The following KIRREL3 variants were observed in gnomAD, a reference collection of about 807,000 sequenced individuals.
KIRREL3 encodes the protein kirre like nephrin family adhesion molecule 3.
Under a neutral mutation model 89.7 loss-of-function variants are expected in KIRREL3, and 36 were observed. The ratio of observed to expected loss-of-function variants is 0.40; its 90% CI spans 0.31 to 0.53. The LOEUF (loss-of-function observed/expected upper bound fraction) is 0.53. KIRREL3 is among the 20% of genes least tolerant of loss of function. KIRREL3 has a pLI of 0.49. For synonymous variants in KIRREL3, 445 were observed against 441.4 expected, an observed-to-expected ratio of 1.01 and a Z score of -0.10; for missense variants, 864 against 1,056.6, an observed-to-expected ratio of 0.82 and a Z score of 2.53.
Position 126,668,428 on chromosome 11 carries a change from T to C in KIRREL3, c.56-105516A>G, listed in dbSNP as rs1375504699. Among the ~76,000 whole-genome samples, 1 of 152,160 alleles carries C rather than the reference T, an allele frequency of 6.6e-6. No homozygotes were observed. Among genetic ancestry groups the C allele is most frequent in the Non-Finnish European group, 1.5e-5 (1 of 68,032 alleles). Reference sequence around the variant, plus strand: ...TATAACCATTCAGAATAAAACACCCTGGCTATAGAAGAGAGGTGGCTTTTC... The same window carrying C: ...TATAACCATTCAGAATAAAACACCCCGGCTATAGAAGAGAGGTGGCTTTTC... On this transcript the variant is annotated intron_variant, in intron 1 of 16. Coordinates refer to ENST00000525144, the MANE Select transcript of KIRREL3 (RefSeq NM_032531.4). The surrounding 1 kb of genome is among the most constrained non-coding windows in gnomAD (Gnocchi z 4.4).
Position 126,594,359 on chromosome 11 carries a change from A to G in KIRREL3, c.56-31447T>C, listed in dbSNP as rs1427735162. ...TACCTGGATGAATTCCATCTCCCTCACTGGACCAGAAGCTCCTCGAGGAAA... is the reference window on the plus strand; with the variant it reads ...TACCTGGATGAATTCCATCTCCCTCGCTGGACCAGAAGCTCCTCGAGGAAA... On this transcript the variant is annotated intron_variant, in intron 1 of 16. Coordinates refer to ENST00000525144, the MANE Select transcript of KIRREL3 (RefSeq NM_032531.4). This position sits in a 1 kb window ranked among gnomAD's most constrained non-coding sequence, Gnocchi z 5.0. Among the ~76,000 whole-genome samples the G allele has an allele frequency of 6.6e-6, 1 of 152,060 alleles. No individual in the cohort carries two copies. Among genetic ancestry groups the G allele is most frequent in the Non-Finnish European group, 1.5e-5 (1 of 68,002 alleles).
chr11:126,976,534 T>C lies in KIRREL3; in HGVS notation c.55+23921A>G, dbSNP rs585079. ...AGACTCTCCTATTTTGCAGTATTTC[T>C]TGACTATTATTCACCCAGAATGGTA... On this transcript the variant is annotated intron_variant, in intron 1 of 16. Coordinates refer to ENST00000525144, the MANE Select transcript of KIRREL3 (RefSeq NM_032531.4). The surrounding 1 kb of genome is among the most constrained non-coding windows in gnomAD (Gnocchi z 4.2). Among the ~76,000 whole-genome samples the C allele has an allele frequency of 0.12, 18,858 of 152,234 alleles. 1,364 individuals carry two copies. Among genetic ancestry groups the C allele is most frequent in the Middle Eastern group, 0.21 (61 of 294 alleles).
At chr11:126,799,283 CATGT>C (rs1336276337) in intron 1 of KIRREL3, among the ~76,000 whole-genome samples, 1 of 97,050 alleles carries the variant, frequency 1.0e-5, no homozygotes, top group Non-Finnish European at 2.0e-5. Flanking sequence ...CCTGTGTGTG[CATGT>C]GTGTATCTGT....
rs186641646 is a variant in KIRREL3, at chr11:126,926,786, C to T, written c.55+73669G>A. Among the ~76,000 whole-genome samples, 1,003 of 151,672 alleles carry T rather than the reference C, an allele frequency of 6.6e-3. 7 individuals are homozygous for T. Among genetic ancestry groups the T allele is most frequent in the African/African-American group, 0.023 (937 of 41,410 alleles). On this transcript the variant is annotated intron_variant, in intron 1 of 16. Coordinates refer to ENST00000525144, the MANE Select transcript of KIRREL3 (RefSeq NM_032531.4). The stretch of plus-strand genomic sequence containing the variant: ...TGGCTTCTGAATACTAAAGAGGGCG[C>T]GGAAAAAATGAAAGCAAAGGAGAAA...
rs565009888 is a variant in KIRREL3, at chr11:126,543,393, C to T, written c.134-16706G>A. ...CAGGTGTAGCCCTGGCTCATATCCA[C>T]CATCCTGAGAAATAGAAAATCTTTC... On this transcript the variant is annotated intron_variant, in intron 2 of 16. Transcript: ENST00000525144. Among the ~76,000 whole-genome samples the T allele has an allele frequency of 5.9e-5, 9 of 152,216 alleles. No homozygotes were observed. The South Asian group carries it at 1.9e-3, about 32-fold the overall frequency.
chr11:126,676,051 T>A lies in KIRREL3; in HGVS notation c.56-113139A>T, dbSNP rs997307962. On this transcript the variant is annotated intron_variant, in intron 1 of 16. Coordinates refer to ENST00000525144, the MANE Select transcript of KIRREL3 (RefSeq NM_032531.4). The surrounding 1 kb of genome is among the most constrained non-coding windows in gnomAD (Gnocchi z 4.5). Reference sequence around the variant, plus strand: ...TAAGAAATCCAGTAGGAGGGAGAAGTTTGAGAAAGGAAGAGGATGCCAGGT... The same window carrying A: ...TAAGAAATCCAGTAGGAGGGAGAAGATTGAGAAAGGAAGAGGATGCCAGGT... Among the ~76,000 whole-genome samples the A allele has an allele frequency of 6.6e-6, 1 of 151,950 alleles. No individual in the cohort carries two copies.
chr11:126,899,146 C>A (rs948698057), intron 1 of KIRREL3, among the ~76,000 whole-genome samples: 2 of 151,918 alleles, frequency 1.3e-5, no homozygotes, highest in South Asian at 4.2e-4. Context: ...AGATGCACTA[C>A]GATCTTGTAA....
intron 1 of KIRREL3, among the ~76,000 whole-genome samples, chr11:126,701,078 G>T (rs963423776): frequency 1.3e-5 from 2 of 152,196 alleles, no homozygotes; most frequent in African/African-American, 4.8e-5. Context: ...ACACTGCATT[G>T]TCATGAAAGG....
chr11:126,463,063 C>T lies in KIRREL3; in HGVS notation c.742+94G>A. Reference sequence around the variant, plus strand: ...ATCCACAGAGCTGCCTGACCCATTTCCTGCTATCAGATGGGCCAGGCTATG... The same window carrying T: ...ATCCACAGAGCTGCCTGACCCATTTTCTGCTATCAGATGGGCCAGGCTATG... On this transcript the variant is annotated intron_variant, in intron 6 of 16. Transcript: ENST00000525144. The surrounding 1 kb of genome is among the most constrained non-coding windows in gnomAD (Gnocchi z 5.9). 1 of 1,255,348 alleles carries T rather than the reference C, an allele frequency of 8.0e-7. No individual in the cohort carries two copies. The highest frequency in any genetic ancestry group is 1.1e-6 in the Non-Finnish European group (1 of 885,374). The allele number at this position is 1,255,348 out of a possible 1,614,324, so 77.8% of individuals were successfully genotyped here.
chr11:126,792,663 T>C (rs1377041692), intron 1 of KIRREL3, among the ~76,000 whole-genome samples: 1 of 152,212 alleles, frequency 6.6e-6, no homozygotes, highest in African/African-American at 2.4e-5. Context: ...GGAGAATAGA[T>C]ATATAAATTA....
chr11:126,821,459 T>A (rs1943225296), intron 1 of KIRREL3, among the ~76,000 whole-genome samples: 1 of 151,208 alleles, frequency 6.6e-6, no homozygotes, highest in South Asian at 2.1e-4. Context: ...GAAGTGGCAT[T>A]TGATATGTGT....
chr11:126,526,638 C>G lies in KIRREL3; in HGVS notation c.183G>C (p.Ser61=). 11 of 1,588,604 alleles carry G rather than the reference C, an allele frequency of 6.9e-6. No homozygotes were observed. Among genetic ancestry groups the G allele is most frequent in the Non-Finnish European group, 9.4e-6 (11 of 1,167,674 alleles). Residue 61 remains serine, a synonymous_variant, in exon 3 of 17, where the codon TCG becomes TCC. Transcript: ENST00000525144. The surrounding 1 kb of genome is among the most constrained non-coding windows in gnomAD (Gnocchi z 5.7). Reference sequence around the variant, plus strand: ...CGCAAAGTAGCGTCACTGGCTGTCCCGACACCACCACCTGGTCCTGGGGCT... The same window carrying G: ...CGCAAAGTAGCGTCACTGGCTGTCCGGACACCACCACCTGGTCCTGGGGCT... ...SQQPQDQVVV[S]GQPVTLLCAI...
At chr11:126,714,641 G>A (rs1476420905) in intron 1 of KIRREL3, among the ~76,000 whole-genome samples, 13 of 152,148 alleles carry the variant, frequency 8.5e-5, no homozygotes, top group African/African-American at 2.2e-4. Context: ...AGAATGCCAC[G>A]TCCCAGAGTT....
rs944783670 is a variant in KIRREL3 at position 126,766,076 on chromosome 11, G to A, written c.56-203164C>T. On this transcript the variant is annotated intron_variant, in intron 1 of 16. Coordinates refer to ENST00000525144, the MANE Select transcript of KIRREL3 (RefSeq NM_032531.4). The surrounding 1 kb of genome is among the most constrained non-coding windows in gnomAD (Gnocchi z 4.2). ...TACTTCCAAATTCCCATAACTCACT[G>A]CTTTTGCCAGCCCTCCTGGGATGGT... Among the ~76,000 whole-genome samples the A allele has an allele frequency of 1.3e-5, 2 of 151,664 alleles. No homozygotes were observed. The highest frequency in any genetic ancestry group is 2.9e-5 in the Non-Finnish European group (2 of 67,912).
chr11:126,904,614 G>T lies in KIRREL3; in HGVS notation c.55+95841C>A, dbSNP rs1389807460. On this transcript the variant is annotated intron_variant, in intron 1 of 16. Coordinates refer to ENST00000525144, the MANE Select transcript of KIRREL3 (RefSeq NM_032531.4). The surrounding 1 kb of genome is among the most constrained non-coding windows in gnomAD (Gnocchi z 4.4). ...ATACATGTTTTTGACATCAGGAAAA[G>T]AAATAATCTGTCTTACAAGGCTGTT... Among the ~76,000 whole-genome samples, 1 of 152,184 alleles carries T rather than the reference G, an allele frequency of 6.6e-6. No individual in the cohort carries two copies. Among genetic ancestry groups the T allele is most frequent in the Non-Finnish European group, 1.5e-5 (1 of 68,036 alleles).
rs547631884 is a variant in KIRREL3 at position 126,676,493 on chromosome 11, C to T, written c.56-113581G>A. Among the ~76,000 whole-genome samples, 1 of 152,160 alleles carries T rather than the reference C, an allele frequency of 6.6e-6. No individual in the cohort carries two copies. Among genetic ancestry groups the T allele is most frequent in the Non-Finnish European group, 1.5e-5 (1 of 68,036 alleles). ...CTTTGACCAGTGTTTCTCAAATTTG[C>T]ACCTGCAGATGTTGTATTGTTTTGT... On this transcript the variant is annotated intron_variant, in intron 1 of 16. Transcript: ENST00000525144. The surrounding 1 kb of genome is among the most constrained non-coding windows in gnomAD (Gnocchi z 4.5).
In KIRREL3 at chr11:126,694,686, G is replaced by A. The variant is rs543107190; in HGVS notation, c.56-131774C>T. 4.3e-4 allele frequency among the ~76,000 whole-genome samples: 66 copies of A among 152,190 alleles called. No individual in the cohort carries two copies. Among genetic ancestry groups the A allele is most frequent in the African/African-American group, 1.4e-3 (60 of 41,540 alleles). ...TTAGGGCAGGTACTGACTTCTATGAGCCACCTTTTTTAAAAAAAATTCTCT... is the reference window on the plus strand; with the variant it reads ...TTAGGGCAGGTACTGACTTCTATGAACCACCTTTTTTAAAAAAAATTCTCT... On this transcript the variant is annotated intron_variant, in intron 1 of 16. Transcript: ENST00000525144. This position sits in a 1 kb window ranked among gnomAD's most constrained non-coding sequence, Gnocchi z 4.4.
At chr11:126,529,355 GC>G (rs1958868090) in intron 2 of KIRREL3, among the ~76,000 whole-genome samples, 1 of 152,194 alleles carries the variant, frequency 6.6e-6, no homozygotes, top group Non-Finnish European at 1.5e-5. Context: ...ACTCTGAGTG[GC>G]CACAGACCCT....
chr11:126,809,871 A>T (rs894818072), intron 1 of KIRREL3, among the ~76,000 whole-genome samples: 3 of 152,190 alleles, frequency 2.0e-5, no homozygotes, highest in Non-Finnish European at 2.9e-5. Context: ...AATCTCCAGA[A>T]TCTTTTCTCA....
Sources: allele counts gnomAD v4.1 joint callset (sites outside exome capture counted in the v4.1 genomes callset), GRCh38; gene constraint gnomAD v4.1.1; non-coding constraint Gnocchi (gnomAD v3.1); transcripts MANE v1.5; gene names NCBI Gene and HGNC (gene_info 2026-07-23, HGNC 2026-07-21).